Variants in TMPRSS13 observed in about 807,000 individuals in gnomAD.
The protein encoded by TMPRSS13 is transmembrane protease serine 13.
In TMPRSS13, 50 loss-of-function variants were observed where a neutral mutation model predicts 68.4. The ratio of observed to expected loss-of-function variants is 0.73; its 90% CI spans 0.58 to 0.93. The LOEUF (loss-of-function observed/expected upper bound fraction) is 0.93, where lower values mean the gene tolerates loss of function less well. TMPRSS13 is among the 40% of genes least tolerant of loss of function. The pLI is 0.00. For missense variants in TMPRSS13, 615 were observed against 729.2 expected (o/e 0.84, Z 1.80); for synonymous variants, 267 against 285.8 (o/e 0.93, Z 0.66).
intron 1 of TMPRSS13, among the ~76,000 whole-genome samples, chr11:117,925,975 G>A (rs1247387883): frequency 6.6e-6 from 1 of 152,246 alleles, no homozygotes; most frequent in Non-Finnish European, 1.5e-5. Flanking sequence ...TGAAACAGAG[G>A]ACAAGGTGAG....
intron 1 of TMPRSS13, among the ~76,000 whole-genome samples, chr11:117,927,331 CTT>C (rs1337165547): frequency 6.6e-6 from 1 of 152,214 alleles, no homozygotes; most frequent in Non-Finnish European, 1.5e-5. Context: ...GTCCAACATT[CTT>C]CTTTTGAGAG....
At chr11:117,904,230 C>T (rs2057440263) in intron 10 of TMPRSS13, 129 bp from the exon 11 acceptor site, 10 of 1,303,376 alleles carry the variant, frequency 7.7e-6, no homozygotes, top group East Asian at 2.5e-5. Context: ...GTGCCATGCC[C>T]GTGCCTGGCT....
chr11:117,905,491 C>T, intron 10 of TMPRSS13, 147 bp downstream of exon 10: 1 of 574,356 alleles, frequency 1.7e-6, no homozygotes, highest in Non-Finnish European at 3.1e-6. Flanking sequence ...CACACATAAT[C>T]ACACCCAGGC....
In TMPRSS13 at chr11:117,901,975, C is replaced by T. The variant is rs2134869399; in HGVS notation, c.*264G>A. The T allele has an allele frequency of 2.0e-6, 1 of 512,044 alleles. No individual in the cohort carries two copies. The highest frequency in any genetic ancestry group is 3.4e-5 in the East Asian group (1 of 29,806). 31.7% of individuals were successfully genotyped at this position (512,044 alleles called of 1,614,324 possible). A position where few individuals can be genotyped will look rare whatever the true frequency, so the allele number is the denominator to read the frequency against. ...CTGTAGGAACATCCACGGTACTCAACTCTTGTCTCCAGGTAATTTCCAGCC... is the reference window on the plus strand; with the variant it reads ...CTGTAGGAACATCCACGGTACTCAATTCTTGTCTCCAGGTAATTTCCAGCC... On this transcript the variant is annotated 3_prime_UTR_variant, in exon 13 of 13. Transcript: ENST00000524993.
intron 10 of TMPRSS13, among the ~76,000 whole-genome samples, chr11:117,904,766 G>T (rs1949471998): frequency 6.6e-6 from 1 of 150,820 alleles, no homozygotes; most frequent in African/African-American, 2.4e-5. Context: ...CAAAAACAAG[G>T]TCACTGTGCA....
chr11:117,920,366 T>A (rs1157357997), intron 1 of TMPRSS13, among the ~76,000 whole-genome samples: 1 of 152,134 alleles, frequency 6.6e-6, no homozygotes, highest in African/African-American at 2.4e-5. Context: ...TTTTTTTGAG[T>A]CTTGCTCTGT....
Position 117,913,892 on chromosome 11 carries a change from C to T in TMPRSS13, c.694G>A (p.Asp232Asn), listed in dbSNP as rs1298230258. ...GAGTAGATTTTAAGCAGAGACTTGTCCCAGTCAAACCTCACTGCAGGGCAA... is the reference window on the plus strand; with the variant it reads ...GAGTAGATTTTAAGCAGAGACTTGTTCCAGTCAAACCTCACTGCAGGGCAA... ...DELGCVRFDW[D>N]KSLLKIYSGS... The change falls in exon 5 of 13, where the codon GAC (aspartate) becomes AAC (asparagine). Residue 232 changes from aspartate to asparagine, a missense_variant. Coordinates refer to ENST00000524993, the MANE Select transcript of TMPRSS13 (RefSeq NM_001077263.3). 5 of 1,613,682 alleles carry T rather than the reference C, an allele frequency of 3.1e-6. No individual in the cohort carries two copies. The highest frequency in any genetic ancestry group is 4.2e-6 in the Non-Finnish European group (5 of 1,179,950).
At chr11:117,904,388 C>T (rs2057442845) in intron 10 of TMPRSS13, among the ~76,000 whole-genome samples, 1 of 152,354 alleles carries the variant, frequency 6.6e-6, no homozygotes, top group South Asian at 2.1e-4. Flanking sequence ...CGACATGTTG[C>T]ACAGCACTTG....
intron 1 of TMPRSS13, among the ~76,000 whole-genome samples, chr11:117,924,574 G>T (rs1481507336): frequency 1.3e-5 from 2 of 152,220 alleles, no homozygotes; most frequent in Non-Finnish European, 2.9e-5. Context: ...CACTGAGAAA[G>T]ATCAGGATCT....
At chr11:117,920,787 C>T (rs2057637343) in intron 1 of TMPRSS13, among the ~76,000 whole-genome samples, 1 of 152,186 alleles carries the variant, frequency 6.6e-6, no homozygotes, top group Non-Finnish European at 1.5e-5. Flanking sequence ...CCAGACCACA[C>T]CCAGCCGATA....
chr11:117,905,553 C>A, intron 10 of TMPRSS13, 85 bp downstream of exon 10: 3 of 1,199,324 alleles, frequency 2.5e-6, no homozygotes, highest in Non-Finnish European at 3.5e-6. Flanking sequence ...CATCTGTATA[C>A]CCAGACACAT....
chr11:117,908,502 T>C, intron 9 of TMPRSS13, 110 bp downstream of exon 9: 1 of 1,220,078 alleles, frequency 8.2e-7, no homozygotes, highest in Non-Finnish European at 1.2e-6. Context: ...ACTTCTGCCC[T>C]GCAGAAGCTT....
chr11:117,907,489 A>AGGC, intron 9 of TMPRSS13: 1 of 152,208 alleles, frequency 6.6e-6, no homozygotes, highest in South Asian at 2.1e-4. Context: ...TGTGCGAGGA[A>AGGC]ACACCAGCTC....
At chr11:117,909,342 G>A (rs1056421823) in intron 8 of TMPRSS13, among the ~76,000 whole-genome samples, 4 of 152,186 alleles carry the variant, frequency 2.6e-5, no homozygotes, top group African/African-American at 9.7e-5. Flanking sequence ...GCTCTTTCCT[G>A]CCCACCAGCC....
intron 1 of TMPRSS13, among the ~76,000 whole-genome samples, chr11:117,926,438 G>A (rs1022089180): frequency 6.6e-6 from 1 of 152,144 alleles, no homozygotes; most frequent in African/African-American, 2.4e-5. Context: ...CTGGACCAGC[G>A]GTGGGCCCCC....
chr11:117,909,724 G>C, intron 8 of TMPRSS13, 82 bp downstream of exon 8: 2 of 1,496,470 alleles, frequency 1.3e-6, no homozygotes, highest in Non-Finnish European at 9.0e-7. Context: ...CCTCCTCCAC[G>C]AAGAAGTCAG....
chr11:117,916,247 C>G (rs1343181561), intron 3 of TMPRSS13, among the ~76,000 whole-genome samples: 1 of 152,248 alleles, frequency 6.6e-6, no homozygotes, highest in Non-Finnish European at 1.5e-5. Context: ...ATAGTTCCTT[C>G]TCCACTTTGG....
At position 117,914,021 on chromosome 11, in the gene TMPRSS13, T is replaced by TGAGGCCTGGGAAAAGTCCAGGAAC; in HGVS notation, c.680-139_680-116dup. 1 of 1,284,522 alleles carries TGAGGCCTGGGAAAAGTCCAGGAAC rather than the reference T, an allele frequency of 7.8e-7. No individual in the cohort carries two copies. The highest frequency in any genetic ancestry group is 1.4e-5 in the South Asian group (1 of 69,792). 79.6% of individuals were successfully genotyped at this position (1,284,522 alleles called of 1,614,324 possible). ...CGCTTGTCCTGACAGCACTCCTTGC[T>TGAGGCCTGGGAAAAGTCCAGGAAC]GAGGCCTGGGAAAAGTCCAGGAACA... On this transcript the variant is annotated intron_variant, in intron 4 of 12. Transcript: ENST00000524993. The surrounding 1 kb of genome is among the most constrained non-coding windows in gnomAD (Gnocchi z 4.2).
At chr11:117,913,536 G>A (rs1591623161) in intron 5 of TMPRSS13, among the ~76,000 whole-genome samples, 1 of 152,170 alleles carries the variant, frequency 6.6e-6, no homozygotes, top group Admixed American at 6.5e-5. Flanking sequence ...CCATCTAGGA[G>A]TCTGATACTA....
Sources: allele counts gnomAD v4.1 joint callset (sites outside exome capture counted in the v4.1 genomes callset), GRCh38; gene constraint gnomAD v4.1.1; non-coding constraint Gnocchi (gnomAD v3.1); transcripts MANE v1.5; gene names NCBI Gene and HGNC (gene_info 2026-07-23, HGNC 2026-07-21).